The following CSMD1 variants were observed in gnomAD, a reference collection of about 807,000 sequenced individuals.
CSMD1 encodes CUB and sushi domain-containing protein 1.
A neutral mutation model predicts 417.5 loss-of-function variants in CSMD1; 213 were observed. The ratio of observed to expected loss-of-function variants is 0.51; its 90% CI spans 0.46 to 0.57. CSMD1 has a LOEUF of 0.57. CSMD1 is among the 20% of genes least tolerant of loss of function. CSMD1 has a pLI of 0.00. For synonymous variants in CSMD1, 2,862 were observed against 1,736.8 expected, an observed-to-expected ratio of 1.65 and a Z score of -16.11; for missense variants, 6,923 against 4,529.7, an observed-to-expected ratio of 1.53 and a Z score of -15.17.
intron 1 of CSMD1, among the ~76,000 whole-genome samples, chr8:4,964,723 C>G (rs890680975): frequency 6.6e-6 from 1 of 151,968 alleles, no homozygotes; most frequent in Non-Finnish European, 1.5e-5. Context: ...CTAAGCCAAA[C>G]TGAAAAAAAA....
At chr8:3,415,678 GGTGT>G (rs898315521) in intron 12 of CSMD1, among the ~76,000 whole-genome samples, 1 of 152,098 alleles carries the variant, frequency 6.6e-6, no homozygotes, top group African/African-American at 2.4e-5. Context: ...CACATTTATA[GGTGT>G]GTGTGTATTA....
At chr8:3,740,933 G>T (rs1172395671) in intron 6 of CSMD1, among the ~76,000 whole-genome samples, 5 of 151,984 alleles carry the variant, frequency 3.3e-5, no homozygotes, top group African/African-American at 9.7e-5. Flanking sequence ...AAGATAGAGG[G>T]GGCCAGGGGT....
At chr8:3,499,179 G>C (rs761484740) in intron 10 of CSMD1, among the ~76,000 whole-genome samples, 3 of 152,168 alleles carry the variant, frequency 2.0e-5, no homozygotes, top group Non-Finnish European at 4.4e-5. Flanking sequence ...GTCTCATAGT[G>C]TCAGTTGGGT....
At chr8:4,388,618 G>C (rs898945284) in intron 3 of CSMD1, among the ~76,000 whole-genome samples, 4 of 151,982 alleles carry the variant, frequency 2.6e-5, no homozygotes, top group Admixed American at 2.6e-4. Flanking sequence ...CTCAGGTGGT[G>C]GGTGCACCAA....
At chr8:3,288,462 T>A (rs1803313545) in intron 25 of CSMD1, among the ~76,000 whole-genome samples, 1 of 147,234 alleles carries the variant, frequency 6.8e-6, no homozygotes, top group Admixed American at 6.7e-5. Flanking sequence ...TACTGATTAT[T>A]GCCTCAATTT....
At chr8:3,389,695 T>G (rs554050539) in intron 17 of CSMD1, among the ~76,000 whole-genome samples, 154 of 152,024 alleles carry the variant, frequency 1.0e-3, no homozygotes, top group African/African-American at 3.5e-3. Context: ...TTATAAACCA[T>G]AAACTAAACT....
intron 8 of CSMD1, among the ~76,000 whole-genome samples, chr8:3,598,488 G>A (rs542576676): frequency 2.0e-5 from 3 of 152,240 alleles, no homozygotes; most frequent in African/African-American, 2.4e-5. Flanking sequence ...AGGCTCAAGT[G>A]GGGACATCCT....
At chr8:4,349,181 G>A (rs575488649) in intron 3 of CSMD1, among the ~76,000 whole-genome samples, 3 of 152,274 alleles carry the variant, frequency 2.0e-5, no homozygotes, top group Admixed American at 2.0e-4. Context: ...TTTCATCAGA[G>A]AACTAAGTGA....
At chr8:4,151,479 A>C (rs1585429495) in intron 3 of CSMD1, among the ~76,000 whole-genome samples, 1 of 152,228 alleles carries the variant, frequency 6.6e-6, no homozygotes, top group East Asian at 1.9e-4. Flanking sequence ...TAGTTTAACA[A>C]ACACATTATA....
intron 2 of CSMD1, among the ~76,000 whole-genome samples, chr8:4,591,898 G>C (rs532895096): frequency 6.6e-6 from 1 of 152,078 alleles, no homozygotes; most frequent in South Asian, 2.1e-4. Context: ...CTGAAAGTTG[G>C]GCAGACATTC....
chr8:3,815,405 T>G (rs1801315002), intron 5 of CSMD1, among the ~76,000 whole-genome samples: 1 of 152,142 alleles, frequency 6.6e-6, no homozygotes. Flanking sequence ...TGGAATGAAT[T>G]GAGATTAATT....
intron 6 of CSMD1, among the ~76,000 whole-genome samples, chr8:3,731,702 G>C (rs77717847): frequency 0.023 from 3,474 of 152,200 alleles, 133 homozygotes; most frequent in African/African-American, 0.074. Context: ...AGTATAAATG[G>C]GTCAGAGGCT....
At position 4,938,994 on chromosome 8, in the gene CSMD1, TTTTC is replaced by T. The variant is rs1314416886; in HGVS notation, c.85+55334_85+55337del. On this transcript the variant is annotated intron_variant, in intron 1 of 69. Transcript: ENST00000635120. ...GTCCATGTTTAAATCAGGTTATTTG[TTTTC>T]TTTCTATTGAGTCATAGGAATGTTT... is the stretch of plus-strand genomic sequence containing the variant. Among the ~76,000 whole-genome samples, 6 of 152,314 alleles carry T rather than the reference TTTTC, an allele frequency of 3.9e-5. 1 individual carries two copies. In the Middle Eastern group the frequency reaches 0.014, roughly 345 times the overall value.
At chr8:3,882,024 C>G (rs1001747968) in intron 5 of CSMD1, among the ~76,000 whole-genome samples, 4 of 152,242 alleles carry the variant, frequency 2.6e-5, no homozygotes, top group African/African-American at 9.6e-5. Context: ...GATGATGCAA[C>G]TATTTTTAAA....
intron 12 of CSMD1, among the ~76,000 whole-genome samples, chr8:3,452,083 G>C (rs10096841): frequency 1.3e-5 from 2 of 151,716 alleles, no homozygotes; most frequent in Admixed American, 6.6e-5. Flanking sequence ...AAGCAATTGT[G>C]AATGGGAGTT....
rs551996928 is a variant in CSMD1 at position 4,512,542 on chromosome 8, GA to G, written c.303-92478del. ...TATGTATAACATCCTAAATAATTGA[GA>G]AAAAAAATCACCTTCCTAGAACTAA... On this transcript the variant is annotated intron_variant, in intron 2 of 69. Coordinates refer to ENST00000635120, the MANE Select transcript of CSMD1 (RefSeq NM_033225.6). Among the ~76,000 whole-genome samples, 230 of 151,712 alleles carry G rather than the reference GA, an allele frequency of 1.5e-3. 1 individual carries two copies. The highest frequency in any genetic ancestry group is 5.0e-3 in the African/African-American group (207 of 41,416).
intron 3 of CSMD1, among the ~76,000 whole-genome samples, chr8:4,330,816 A>G (rs1446634955): frequency 6.6e-6 from 1 of 151,998 alleles, no homozygotes; most frequent in African/African-American, 2.4e-5. Context: ...AGCACTGTTC[A>G]TTCTTGCACA....
intron 7 of CSMD1, among the ~76,000 whole-genome samples, chr8:3,707,607 C>A (rs913321039): frequency 6.6e-6 from 1 of 152,168 alleles, no homozygotes; most frequent in African/African-American, 2.4e-5. Flanking sequence ...AGCTGGTACC[C>A]AGTAACTGTT....
chr8:3,643,241 A>C (rs935328676), intron 7 of CSMD1, among the ~76,000 whole-genome samples: 5 of 152,176 alleles, frequency 3.3e-5, no homozygotes, highest in African/African-American at 9.7e-5. Flanking sequence ...GAAACAGCAG[A>C]ACAAAGACAA....
Sources: allele counts gnomAD v4.1 joint callset (sites outside exome capture counted in the v4.1 genomes callset), GRCh38; gene constraint gnomAD v4.1.1; transcripts MANE v1.5; gene names NCBI Gene and HGNC (gene_info 2026-07-23, HGNC 2026-07-21).